The following TBX19 variants were observed in gnomAD, a reference collection of about 807,000 sequenced individuals.
TBX19 encodes the protein T-box transcription factor TBX19.
In TBX19, 33 loss-of-function variants were observed where a neutral mutation model predicts 40.9. The ratio of observed to expected loss-of-function variants is 0.81; its 90% CI spans 0.61 to 1.08. The LOEUF (loss-of-function observed/expected upper bound fraction) is 1.08. TBX19 is among the 50% of genes least tolerant of loss of function. The pLI is 0.00. For synonymous variants in TBX19, 220 were observed against 225.0 expected (o/e 0.98, Z 0.20); for missense variants, 494 against 574.0 (o/e 0.86, Z 1.42).
chr1:168,302,608 T>C (rs1649306014), intron 5 of TBX19, among the ~76,000 whole-genome samples: 1 of 152,044 alleles, frequency 6.6e-6, no homozygotes, highest in Non-Finnish European at 1.5e-5. Context: ...CATTTTGCAG[T>C]CGTCCAAAAT....
chr1:168,281,229 G>A lies in TBX19; in HGVS notation c.139G>A (p.Asp47Asn), dbSNP rs765023781. ...GAAGCAACTTCAGATCATCCTGGAG[G>A]ATGCACCTCTCTGGCAGAGATTCAA... ...TEKQLQIILEDAPLWQRFKEV... is the reference protein window; with the variant it reads ...TEKQLQIILENAPLWQRFKEV... Residue 47 changes from aspartate (D) to asparagine (N), a missense_variant, in exon 1 of 8, where the codon GAT becomes AAT. This residue lies in a region of TBX19 where 201 missense variants were observed against 235.2 expected (regional missense o/e 0.85). Coordinates refer to ENST00000367821, the MANE Select transcript of TBX19 (RefSeq NM_005149.3). The A allele has an allele frequency of 6.2e-7, 1 of 1,614,182 alleles. No homozygotes were observed. The highest frequency in any genetic ancestry group is 8.5e-7 in the Non-Finnish European group (1 of 1,180,016).
intron 5 of TBX19, among the ~76,000 whole-genome samples, chr1:168,304,439 A>T (rs887251494): frequency 6.6e-6 from 1 of 152,268 alleles, no homozygotes; most frequent in Middle Eastern, 3.4e-3. Context: ...AAAAACCTGA[A>T]AAGATATCTC....
chr1:168,290,478 T>C (rs911909090), intron 1 of TBX19, among the ~76,000 whole-genome samples: 1 of 152,260 alleles, frequency 6.6e-6, no homozygotes, highest in African/African-American at 2.4e-5. Context: ...AGGCCCTGCC[T>C]GAGGCATCCT....
intron 7 of TBX19, among the ~76,000 whole-genome samples, chr1:168,310,396 G>C (rs998900012): frequency 3.3e-5 from 5 of 152,020 alleles, no homozygotes; most frequent in Admixed American, 2.6e-4. Context: ...TAGTGGCTTA[G>C]AATCACCTGG....
chr1:168,307,484 C>T (rs61296206), intron 6 of TBX19, among the ~76,000 whole-genome samples: 4,816 of 152,118 alleles, frequency 0.032, 238 homozygotes, highest in African/African-American at 0.11. Flanking sequence ...AGGGTAGAGC[C>T]CCCATGGCCT....
intron 4 of TBX19, 125 bp downstream of exon 4, chr1:168,297,910 C>A: frequency 1.1e-6 from 1 of 904,830 alleles, no homozygotes; most frequent in Non-Finnish European, 1.7e-6. Context: ...TAGAAATAGG[C>A]TTTCGGCCAG....
Position 168,280,975 on chromosome 1 carries a change from C to T in TBX19, c.-116C>T. On this transcript the variant is annotated 5_prime_UTR_variant, in exon 1 of 8. Transcript: ENST00000367821. The stretch of plus-strand genomic sequence containing the variant: ...GCTTAGGCAAGAGCCAGGGTATCTT[C>T]TCTCCGCTCCCCAAGCACTGTTCAA... The T allele has an allele frequency of 1.0e-6, 1 of 978,700 alleles. No individual in the cohort carries two copies. The highest frequency in any genetic ancestry group is 1.6e-6 in the Non-Finnish European group (1 of 630,782). 60.6% of individuals were successfully genotyped at this position (978,700 alleles called of 1,614,324 possible). A position where few individuals can be genotyped will look rare whatever the true frequency, so the allele number is the denominator to read the frequency against.
chr1:168,300,052 C>G (rs1649239655), intron 4 of TBX19, among the ~76,000 whole-genome samples: 1 of 152,120 alleles, frequency 6.6e-6, no homozygotes, highest in Non-Finnish European at 1.5e-5. Flanking sequence ...TAATATTTCC[C>G]TCACAGGGTC....
intron 1 of TBX19, 27 bp from the exon 2 acceptor site, chr1:168,291,133 T>A (rs758934059): frequency 6.2e-7 from 1 of 1,603,730 alleles, no homozygotes; most frequent in Non-Finnish European, 8.5e-7. Flanking sequence ...GTCCCTCCTG[T>A]GGCTAAGTTT....
In TBX19 at chr1:168,306,626, CAAAAAAAAAAAA is replaced by C. The variant is rs56042823; in HGVS notation, c.916+1441_916+1452del. On this transcript the variant is annotated intron_variant, in intron 6 of 7. Transcript: ENST00000367821. ...GGGCAACAAGAGCAAGACGCCATCTCAAAAAAAAAAAAAAAAAAAAAAGATATAGCTTCTTCC... is the reference window on the plus strand; with the variant it reads ...GGGCAACAAGAGCAAGACGCCATCTCAAAAAAAAAAGATATAGCTTCTTCC... Among the ~76,000 whole-genome samples the C allele has an allele frequency of 4.0e-5, 3 of 75,292 alleles. 1 individual carries two copies. The highest frequency in any genetic ancestry group is 1.6e-4 in the African/African-American group (3 of 18,586). 49.4% of individuals were successfully genotyped at this position (75,292 alleles called of 152,430 possible).
rs549509027 is a variant in TBX19, at chr1:168,296,526, C to G, written c.604-1198C>G. Among the ~76,000 whole-genome samples, 24 of 152,268 alleles carry G rather than the reference C, an allele frequency of 1.6e-4. No homozygotes were observed. The South Asian group carries it at 5.0e-3, about 32-fold the overall frequency. On this transcript the variant is annotated intron_variant, in intron 3 of 7. Transcript: ENST00000367821. Reference sequence around the variant, plus strand: ...CATCAGATCTCGTGAGACTTATTCACTACCACGAGAACAGTATGGGGGAAG... The same window carrying G: ...CATCAGATCTCGTGAGACTTATTCAGTACCACGAGAACAGTATGGGGGAAG...
chr1:168,309,203 T>C lies in TBX19; in HGVS notation c.1052+326T>C, dbSNP rs555739343. Among the ~76,000 whole-genome samples, 3 of 152,204 alleles carry C rather than the reference T, an allele frequency of 2.0e-5. No individual in the cohort carries two copies. In the East Asian group the frequency reaches 5.8e-4, roughly 29 times the overall value. On this transcript the variant is annotated intron_variant, in intron 7 of 7. Transcript: ENST00000367821. ...GCCTGGCCAACATAGTGTAACCCCA[T>C]GTCTACTAAAAATACAAAAATTAGC...
At position 168,293,282 on chromosome 1, in the gene TBX19, AGAGT is replaced by A; in HGVS notation, c.603+6_603+9del. ...GACTGCCTATCAGAATGAGGAGGTA[AGAGT>A]GTGTGTGTGTGTGTGTGTGTGTGTG... On this transcript the variant is annotated splice_donor_5th_base_variant and intron_variant, in intron 3 of 7. Coordinates refer to ENST00000367821, the MANE Select transcript of TBX19 (RefSeq NM_005149.3). The A allele has an allele frequency of 6.8e-7, 1 of 1,467,122 alleles. No homozygotes were observed. The highest frequency in any genetic ancestry group is 9.1e-7 in the Non-Finnish European group (1 of 1,101,910). The allele number at this position is 1,467,122 out of a possible 1,614,324, so 90.9% of individuals were successfully genotyped here.
rs72294615 is a variant in TBX19 at position 168,293,285 on chromosome 1, G to GTGTC, written c.603+10_603+11insCTGT. The GTGTC allele has an allele frequency of 1.3e-6, 1 of 793,178 alleles. No homozygotes were observed. The highest frequency in any genetic ancestry group is 1.7e-6 in the Non-Finnish European group (1 of 600,136). The allele number at this position is 793,178 out of a possible 1,614,324, so 49.1% of individuals were successfully genotyped here. The stretch of plus-strand genomic sequence containing the variant: ...TGCCTATCAGAATGAGGAGGTAAGA[G>GTGTC]TGTGTGTGTGTGTGTGTGTGTGTGT... On this transcript the variant is annotated splice_region_variant and intron_variant, in intron 3 of 7. Coordinates refer to ENST00000367821, the MANE Select transcript of TBX19 (RefSeq NM_005149.3).
chr1:168,310,682 AT>A (rs1649498228), intron 7 of TBX19, among the ~76,000 whole-genome samples: 1 of 139,550 alleles, frequency 7.2e-6, no homozygotes, highest in African/African-American at 3.0e-5. Context: ...ATAAAAAAAT[AT>A]AAAATATATA....
chr1:168,291,088 G>C (rs758526382), intron 1 of TBX19, 72 bp from the exon 2 acceptor site: 282 of 1,606,936 alleles, frequency 1.8e-4, no homozygotes, highest in Non-Finnish European at 2.4e-4. Flanking sequence ...TCTCAGTATT[G>C]AGAGGCCCCT....
intron 5 of TBX19, 99 bp downstream of exon 5, chr1:168,300,582 C>A: frequency 1.8e-6 from 2 of 1,133,458 alleles, no homozygotes; most frequent in Non-Finnish European, 2.6e-6. Flanking sequence ...TGCTTAAGGA[C>A]TTCCAAATCA....
intron 4 of TBX19, among the ~76,000 whole-genome samples, chr1:168,299,402 A>G (rs1199717082): frequency 1.3e-5 from 2 of 152,174 alleles, no homozygotes; most frequent in Non-Finnish European, 2.9e-5. Flanking sequence ...AAAGGCTCTG[A>G]TAAGGCTCTA....
chr1:168,311,171 G>T (rs1649511949), intron 7 of TBX19, among the ~76,000 whole-genome samples: 1 of 151,808 alleles, frequency 6.6e-6, no homozygotes, highest in African/African-American at 2.4e-5. Flanking sequence ...GAGGTTCCCT[G>T]AAGATATTAA....
Sources: gnomAD v4.1 joint callset for allele counts (sites outside exome capture counted in the v4.1 genomes callset) on GRCh38, gnomAD v4.1.1 for gene constraint, gnomAD v4.1.1 regional missense constraint, MANE v1.5 for transcripts, NCBI Gene and HGNC (gene_info 2026-07-23, HGNC 2026-07-21) for gene names.